Variants in LRMDA observed in about 807,000 individuals in gnomAD.
The protein encoded by LRMDA is leucine rich melanocyte differentiation associated.
LRMDA carries 18 observed loss-of-function variants against 29.8 expected under a neutral mutation model. The observed-to-expected ratio is 0.60, with a 90% CI of 0.42 to 0.90. LRMDA has a LOEUF of 0.90. Ranked by LOEUF, LRMDA falls within the 40% of genes least tolerant of loss-of-function variation. The pLI is 0.00. For missense variants in LRMDA, 273 were observed against 273.9 expected (o/e 1.00, Z 0.02); for synonymous variants, 125 against 109.4 (o/e 1.14, Z -0.89).
chr10:76,426,713 T>A (rs1308407001), intron 6 of LRMDA, among the ~76,000 whole-genome samples: 4 of 152,214 alleles, frequency 2.6e-5, no homozygotes, highest in Non-Finnish European at 4.4e-5. Context: ...CTGGGTTTTC[T>A]TCTAGGGTTT....
intron 2 of LRMDA, among the ~76,000 whole-genome samples, chr10:75,826,683 G>T (rs1054368870): frequency 7.2e-5 from 11 of 152,180 alleles, no homozygotes; most frequent in African/African-American, 2.7e-4. Context: ...CAGTGCATTT[G>T]TGGCATATTT....
intron 5 of LRMDA, among the ~76,000 whole-genome samples, chr10:76,304,528 C>T (rs970157426): frequency 6.6e-6 from 1 of 152,136 alleles, no homozygotes; most frequent in African/African-American, 2.4e-5. Context: ...CACTGAGAAG[C>T]CCTGTTTGCA....
intron 2 of LRMDA, among the ~76,000 whole-genome samples, chr10:75,528,113 T>C (rs1037434089): frequency 6.6e-6 from 1 of 152,012 alleles, no homozygotes; most frequent in African/African-American, 2.4e-5. Flanking sequence ...AGTTGGAAAG[T>C]AGATAAGGGA....
chr10:75,559,762 T>TATAGAAAGCTGAAACTGGA (rs1840266868), intron 2 of LRMDA, among the ~76,000 whole-genome samples: 1 of 129,852 alleles, frequency 7.7e-6, no homozygotes, highest in Non-Finnish European at 1.7e-5. Flanking sequence ...GCTAGCCAGT[T>TATAGAAAGCTGAAACTGGA]TTCCCAGCAC....
At chr10:76,322,228 G>A (rs762944193) in intron 5 of LRMDA, among the ~76,000 whole-genome samples, 1 of 152,058 alleles carries the variant, frequency 6.6e-6, no homozygotes, top group Non-Finnish European at 1.5e-5. Flanking sequence ...TTTCTGAATT[G>A]TACATCTAAT....
chr10:76,112,177 C>T (rs890415643), intron 5 of LRMDA, among the ~76,000 whole-genome samples: 1 of 152,140 alleles, frequency 6.6e-6, no homozygotes, highest in Non-Finnish European at 1.5e-5. Context: ...GGAGGGCGGA[C>T]GGGGACCCCT....
rs780912526 is a variant in LRMDA at position 75,772,871 on chromosome 10, G to GGT, written c.132-263136_132-263135insTG. Reference sequence around the variant, plus strand: ...CTTATTTTTTGGGGGGGGTGGGATGGGGGGGGGCAGATTAATCAGGGATGT... The same window carrying GGT: ...CTTATTTTTTGGGGGGGGTGGGATGGGTGGGGGGGCAGATTAATCAGGGATGT... On this transcript the variant is annotated intron_variant, in intron 2 of 6. Transcript: ENST00000611255. 1.6e-4 allele frequency among the ~76,000 whole-genome samples: 8 copies of GGT among 50,896 alleles called. No homozygotes were observed. The South Asian group carries it at 3.0e-3, about 19-fold the overall frequency. The allele number at this position is 50,896 out of a possible 152,430, so 33.4% of individuals were successfully genotyped here. A position where few individuals can be genotyped will look rare whatever the true frequency, so the allele number is the denominator to read the frequency against.
At chr10:76,439,603 A>C (rs576940164) in intron 6 of LRMDA, among the ~76,000 whole-genome samples, 1 of 152,340 alleles carries the variant, frequency 6.6e-6, no homozygotes, top group East Asian at 1.9e-4. Context: ...GTGAGTTTGA[A>C]CCACAGGACC....
chr10:75,508,499 A>T (rs1160217581), intron 2 of LRMDA, among the ~76,000 whole-genome samples: 1 of 152,112 alleles, frequency 6.6e-6, no homozygotes, highest in Admixed American at 6.5e-5. Flanking sequence ...GCTGTTTGGG[A>T]TCTGCTTTTT....
chr10:75,932,921 A>G (rs1289416125), intron 2 of LRMDA, among the ~76,000 whole-genome samples: 1 of 152,234 alleles, frequency 6.6e-6, no homozygotes, highest in Admixed American at 6.5e-5. Flanking sequence ...AATGCTGTAT[A>G]TGAAAGGTGT....
intron 2 of LRMDA, among the ~76,000 whole-genome samples, chr10:75,969,043 C>G (rs1055326559): frequency 6.6e-6 from 1 of 152,108 alleles, no homozygotes; most frequent in Admixed American, 6.5e-5. Context: ...CTTTAAAGAC[C>G]AATGGCTTTC....
At chr10:75,711,587 G>T (rs1842436707) in intron 2 of LRMDA, among the ~76,000 whole-genome samples, 1 of 152,020 alleles carries the variant, frequency 6.6e-6, no homozygotes, top group African/African-American at 2.4e-5. Context: ...CACTCCAAGA[G>T]TAAAATTTAA....
chr10:75,635,180 T>G (rs1357676330), intron 2 of LRMDA, among the ~76,000 whole-genome samples: 1 of 152,172 alleles, frequency 6.6e-6, no homozygotes. Flanking sequence ...ACTACATTTG[T>G]GTTTTGAGTT....
intron 5 of LRMDA, among the ~76,000 whole-genome samples, chr10:76,159,473 G>A (rs181174523): frequency 6.6e-6 from 1 of 152,242 alleles, no homozygotes; most frequent in East Asian, 1.9e-4. Flanking sequence ...AGATAGTTTG[G>A]TGGTTTCTTA....
intron 2 of LRMDA, among the ~76,000 whole-genome samples, chr10:75,517,853 T>G (rs957786618): frequency 6.6e-6 from 1 of 152,224 alleles, no homozygotes; most frequent in Non-Finnish European, 1.5e-5. Flanking sequence ...TGAAAAGCTC[T>G]TATTATTTTG....
chr10:76,314,458 G>C (rs996576247), intron 5 of LRMDA, among the ~76,000 whole-genome samples: 3 of 152,154 alleles, frequency 2.0e-5, no homozygotes, highest in Non-Finnish European at 2.9e-5. Flanking sequence ...AATGAATCAA[G>C]CTCTCACTTG....
Position 76,340,654 on chromosome 10 carries a change from A to G in LRMDA, c.601+16169A>G, listed in dbSNP as rs1471676581. Among the ~76,000 whole-genome samples the G allele has an allele frequency of 2.0e-5, 3 of 152,186 alleles. No individual in the cohort carries two copies. In the East Asian group the frequency reaches 5.8e-4, roughly 29 times the overall value. On this transcript the variant is annotated intron_variant, in intron 6 of 6. Transcript: ENST00000611255. ...GATAAAGTGTATCTACCAGAAACCT[A>G]TAGCAACCTGCATATGAAAGAGGGA...
chr10:76,374,450 T>C (rs555983096), intron 6 of LRMDA, among the ~76,000 whole-genome samples: 39 of 152,136 alleles, frequency 2.6e-4, no homozygotes, highest in Non-Finnish European at 5.4e-4. Context: ...AAACAGAGCA[T>C]ACTGCACAAG....
chr10:75,493,628 C>T (rs1845012946), intron 2 of LRMDA, among the ~76,000 whole-genome samples: 2 of 152,104 alleles, frequency 1.3e-5, no homozygotes, highest in African/African-American at 4.8e-5. Context: ...TAAAATTTGG[C>T]ACCTCCTGGA....
Sources: gnomAD v4.1 joint callset for allele counts (sites outside exome capture counted in the v4.1 genomes callset) on GRCh38, gnomAD v4.1.1 for gene constraint, MANE v1.5 for transcripts, NCBI Gene and HGNC (gene_info 2026-07-23, HGNC 2026-07-21) for gene names.